KANK1: variants seen among roughly 807,000 people sequenced by gnomAD.
KANK1 encodes KN motif and ankyrin repeat domains 1, also known as KN motif and ankyrin repeat domain-containing protein 1.
A neutral mutation model predicts 106.2 loss-of-function variants in KANK1; 109 were observed. The observed-to-expected ratio is 1.03, with a 90% confidence interval of 0.88 to 1.20. KANK1 has a LOEUF of 1.20. Among genes scored for constraint, KANK1 ranks in the 50% most tolerant of loss-of-function variants. KANK1 has a pLI of 0.00. For synonymous variants in KANK1, 873 were observed against 652.2 expected, an observed-to-expected ratio of 1.34 and a Z score of -5.16; for missense variants, 2,399 against 1,710.7, an observed-to-expected ratio of 1.40 and a Z score of -7.10.
chr9:713,398 A>G lies in KANK1; in HGVS notation c.2632A>G (p.Lys878Glu). 3 of 1,613,594 alleles carry G rather than the reference A, an allele frequency of 1.9e-6. No homozygotes were observed. Among genetic ancestry groups the G allele is most frequent in the Non-Finnish European group, 2.5e-6 (3 of 1,179,838 alleles). ...STLSSINSVM[K>E]SASTEELRNP... Reference sequence around the variant, plus strand: ...CCTGTCGTCTATCAACTCTGTCATGAAATCTGCAAGCACTGAAGAGCTGAG... The same window carrying G: ...CCTGTCGTCTATCAACTCTGTCATGGAATCTGCAAGCACTGAAGAGCTGAG... The change falls in exon 3 of 12, where the codon AAA becomes GAA. Residue 878 changes from lysine to glutamate, a missense_variant. Physicochemically the swap from Lys to Glu is moderately conservative, Grantham distance 56 (BLOSUM62 1). Coordinates refer to ENST00000382297, the MANE Select transcript of KANK1 (RefSeq NM_015158.5).
At chr9:508,243 A>G (rs2058863873) in intron 1 of KANK1, among the ~76,000 whole-genome samples, 1 of 140,382 alleles carries the variant, frequency 7.1e-6, no homozygotes. Flanking sequence ...GGTTCAAGCG[A>G]TTCTCTGCCT....
At chr9:602,120 A>G (rs563292598) in intron 1 of KANK1, among the ~76,000 whole-genome samples, 1 of 151,974 alleles carries the variant, frequency 6.6e-6, no homozygotes, top group Non-Finnish European at 1.5e-5. Flanking sequence ...TTCTTTATCA[A>G]TGGAATAGAT....
intron 1 of KANK1, among the ~76,000 whole-genome samples, chr9:671,615 CAA>C (rs566979038): frequency 9.0e-5 from 5 of 55,738 alleles, no homozygotes; most frequent in Admixed American, 2.6e-4. Flanking sequence ...AACTCCGTCT[CAA>C]AAAAAAAAAA....
At chr9:529,254 C>T (rs200291822) in intron 1 of KANK1, among the ~76,000 whole-genome samples, 7 of 150,528 alleles carry the variant, frequency 4.7e-5, no homozygotes, top group African/African-American at 1.5e-4. Context: ...CACACACACA[C>T]ATATACACAC....
intron 1 of KANK1, among the ~76,000 whole-genome samples, chr9:608,012 A>AATTATTATT (rs1205173765): frequency 8.1e-6 from 1 of 123,402 alleles, no homozygotes; most frequent in African/African-American, 3.1e-5. Context: ...AAACTTTCAG[A>AATTATTATT]ATTATTATTA....
intron 1 of KANK1, among the ~76,000 whole-genome samples, chr9:533,182 A>AT (rs2060144395): frequency 6.6e-6 from 1 of 152,154 alleles, no homozygotes; most frequent in Non-Finnish European, 1.5e-5. Flanking sequence ...ATAATCATTA[A>AT]TTTTTTCAGT....
intron 1 of KANK1, among the ~76,000 whole-genome samples, chr9:564,872 CT>C (rs1563777143): frequency 6.6e-6 from 1 of 152,232 alleles, no homozygotes; most frequent in Admixed American, 6.5e-5. Context: ...TTTTTGGCTT[CT>C]CTTGGGAAGC....
chr9:682,101 G>A (rs1197917186), intron 2 of KANK1, among the ~76,000 whole-genome samples: 2 of 152,034 alleles, frequency 1.3e-5, no homozygotes, highest in Non-Finnish European at 2.9e-5. Flanking sequence ...CCAACATGGT[G>A]AAAACCCGTC....
intron 3 of KANK1, among the ~76,000 whole-genome samples, chr9:490,327 G>A (rs900196507): frequency 6.6e-6 from 1 of 152,044 alleles, no homozygotes; most frequent in Non-Finnish European, 1.5e-5. Context: ...GCAACAAAGT[G>A]ATACCTCATC....
intron 1 of KANK1, chr9:673,533 G>A (rs7046490): frequency 0.41 from 62,558 of 152,066 alleles, 13,901 homozygotes; most frequent in East Asian, 0.63. Context: ...TATTTTACCA[G>A]TGATATGCTT....
chr9:565,574 A>G (rs2134580671), intron 1 of KANK1, among the ~76,000 whole-genome samples: 1 of 152,280 alleles, frequency 6.6e-6, no homozygotes. Context: ...ACAGGGGACT[A>G]TAGAATGGAT....
intron 1 of KANK1, among the ~76,000 whole-genome samples, chr9:563,288 C>G (rs1202273194): frequency 1.3e-5 from 2 of 151,976 alleles, no homozygotes; most frequent in Non-Finnish European, 2.9e-5. Context: ...GTTGCTATCC[C>G]TAATACGGCA....
chr9:724,759 G>A (rs1164834615), intron 3 of KANK1, among the ~76,000 whole-genome samples: 3 of 151,992 alleles, frequency 2.0e-5, no homozygotes, highest in Non-Finnish European at 2.9e-5. Context: ...CAGAGATCGC[G>A]CCACTGCATT....
At chr9:737,825 T>A (rs1834203627) in intron 7 of KANK1, among the ~76,000 whole-genome samples, 1 of 152,228 alleles carries the variant, frequency 6.6e-6, no homozygotes, top group Admixed American at 6.5e-5. Context: ...TCCTAATTTC[T>A]ATGAAAATTG....
intron 1 of KANK1, among the ~76,000 whole-genome samples, chr9:629,379 C>A (rs1020457262): frequency 6.6e-6 from 1 of 152,130 alleles, no homozygotes; most frequent in Admixed American, 6.6e-5. Context: ...AGCTGCCTAA[C>A]TTGGTTTCTT....
At chr9:655,551 C>T (rs151099062) in intron 1 of KANK1, among the ~76,000 whole-genome samples, 14 of 152,250 alleles carry the variant, frequency 9.2e-5, no homozygotes, top group African/African-American at 3.1e-4. Context: ...CAGATTGATT[C>T]TGTAGGTCTA....
intron 2 of KANK1, chr9:707,307 G>T: frequency 1.1e-6 from 1 of 873,920 alleles, no homozygotes; most frequent in African/African-American, 1.8e-5. Context: ...GGGGGCCTGG[G>T]CGAGGGGGGC....
At chr9:696,579 A>G (rs181904358) in intron 2 of KANK1, among the ~76,000 whole-genome samples, 23 of 152,186 alleles carry the variant, frequency 1.5e-4, no homozygotes, top group South Asian at 6.2e-4. Context: ...GAATGAGCAA[A>G]GATAGATAAG....
At chr9:715,329 CAGA>C (rs1589140926) in intron 3 of KANK1, among the ~76,000 whole-genome samples, 1 of 148,492 alleles carries the variant, frequency 6.7e-6, no homozygotes, top group Non-Finnish European at 1.5e-5. Context: ...ATCATGATGT[CAGA>C]TGAAGTCAAA....
Sources: gnomAD v4.1 joint callset for allele counts (sites outside exome capture counted in the v4.1 genomes callset) on GRCh38, gnomAD v4.1.1 for gene constraint, MANE v1.5 for transcripts, NCBI Gene and HGNC (gene_info 2026-07-23, HGNC 2026-07-21) for gene names.